Variants in SGCD observed in about 807,000 individuals in gnomAD.
SGCD encodes delta-sarcoglycan.
A neutral mutation model predicts 36.6 loss-of-function variants in SGCD; 18 were observed. The ratio of observed to expected loss-of-function variants is 0.49; its 90% confidence interval spans 0.34 to 0.73. The LOEUF (loss-of-function observed/expected upper bound fraction) is 0.73, where lower values mean the gene tolerates loss of function less well. Ranked by LOEUF, SGCD falls within the 30% of genes least tolerant of loss-of-function variation. The pLI, the probability that SGCD is intolerant of heterozygous loss-of-function variation, is 0.01. For missense variants in SGCD, 387 were observed against 346.7 expected (o/e 1.12, Z -0.92); for synonymous variants, 133 against 130.6 (o/e 1.02, Z -0.12).
chr5:156,680,459 T>G (rs969628744), intron 7 of SGCD, among the ~76,000 whole-genome samples: 2 of 152,178 alleles, frequency 1.3e-5, no homozygotes, highest in Non-Finnish European at 2.9e-5. Flanking sequence ...GTCTTCCCAT[T>G]TGCAAAATGG....
At chr5:156,289,326 G>A (rs1006920847) in intron 3 of SGCD, among the ~76,000 whole-genome samples, 14 of 151,640 alleles carry the variant, frequency 9.2e-5, no homozygotes, top group African/African-American at 1.2e-4. Flanking sequence ...TTTAAGTTCC[G>A]GGATACACGT....
intron 1 of SGCD, among the ~76,000 whole-genome samples, chr5:156,043,379 A>G (rs545276369): frequency 4.6e-5 from 7 of 152,266 alleles, no homozygotes; most frequent in South Asian, 2.1e-4. Context: ...CTGATGGAAA[A>G]TTAGGCAATT....
chr5:156,162,831 C>A (rs1408483392), intron 3 of SGCD, among the ~76,000 whole-genome samples: 1 of 151,618 alleles, frequency 6.6e-6, no homozygotes, highest in African/African-American at 2.4e-5. Context: ...GGGTATGAAC[C>A]ATAATTCCCC....
chr5:155,906,355 G>A (rs377706778), intron 1 of SGCD, among the ~76,000 whole-genome samples: 1 of 152,068 alleles, frequency 6.6e-6, no homozygotes, highest in Non-Finnish European at 1.5e-5. Context: ...TCAAATGAAA[G>A]AGAGTTGCAT....
At chr5:156,645,997 T>C (rs943694282) in intron 6 of SGCD, among the ~76,000 whole-genome samples, 4 of 152,118 alleles carry the variant, frequency 2.6e-5, no homozygotes, top group African/African-American at 9.7e-5. Flanking sequence ...CACTTTCTTT[T>C]GAGAGAGGGA....
intron 1 of SGCD, chr5:156,117,872 T>A (rs1347472820): frequency 6.6e-6 from 1 of 152,168 alleles, no homozygotes; most frequent in Non-Finnish European, 1.5e-5. Flanking sequence ...TTTTGTGTGT[T>A]CACAGTGGTG....
At chr5:156,569,438 A>G (rs1047071974) in intron 4 of SGCD, among the ~76,000 whole-genome samples, 1 of 152,080 alleles carries the variant, frequency 6.6e-6, no homozygotes, top group Non-Finnish European at 1.5e-5. Context: ...CTAAAAATAC[A>G]AAAATTAGCC....
intron 1 of SGCD, among the ~76,000 whole-genome samples, chr5:155,969,266 G>C (rs547572475): frequency 5.1e-4 from 78 of 152,194 alleles, no homozygotes; most frequent in African/African-American, 1.9e-3. Flanking sequence ...ATGTTTAACT[G>C]ATACAAATAT....
At chr5:156,300,872 C>CT (rs1162833982) in intron 3 of SGCD, among the ~76,000 whole-genome samples, 3 of 151,874 alleles carry the variant, frequency 2.0e-5, no homozygotes, top group African/African-American at 7.2e-5. Context: ...TAATCTTTGT[C>CT]TTTTTTTATA....
chr5:156,533,026 C>T (rs558799874), intron 4 of SGCD, among the ~76,000 whole-genome samples: 1 of 152,286 alleles, frequency 6.6e-6, no homozygotes, highest in East Asian at 1.9e-4. Flanking sequence ...GAAATGCCAT[C>T]TTATCTTGGA....
chr5:156,262,368 C>A (rs1396235123), intron 3 of SGCD, among the ~76,000 whole-genome samples: 1 of 152,060 alleles, frequency 6.6e-6, no homozygotes, highest in African/African-American at 2.4e-5. Flanking sequence ...ACATGCTGTA[C>A]AAATTTATAA....
At chr5:155,738,752 G>A in the SGCD span, among the ~76,000 whole-genome samples, 557 of 144,644 alleles carry the variant, frequency 3.9e-3, 3 homozygotes, top group Non-Finnish European at 5.3e-3. Context: ...GCATGTGAGT[G>A]TAAGAGAGTG....
intron 3 of SGCD, among the ~76,000 whole-genome samples, chr5:156,152,044 C>A (rs1454296528): frequency 6.6e-6 from 1 of 150,884 alleles, no homozygotes; most frequent in African/African-American, 2.5e-5. Flanking sequence ...ATGGCAAGTA[C>A]ATGGGAGATA....
chr5:156,443,450 A>T (rs1356430970), intron 3 of SGCD, among the ~76,000 whole-genome samples: 1 of 152,122 alleles, frequency 6.6e-6, no homozygotes, highest in Non-Finnish European at 1.5e-5. Flanking sequence ...CCACCCCAGG[A>T]ATCCTCAGAG....
At chr5:155,818,981 T>C in the SGCD span, among the ~76,000 whole-genome samples, 2 of 152,026 alleles carry the variant, frequency 1.3e-5, no homozygotes, top group Non-Finnish European at 2.9e-5. Flanking sequence ...TTTGTGTCCA[T>C]GAGAAAGAGT....
chr5:156,440,032 A>T (rs986724671), intron 3 of SGCD, among the ~76,000 whole-genome samples: 1 of 152,108 alleles, frequency 6.6e-6, no homozygotes, highest in Non-Finnish European at 1.5e-5. Context: ...ATTCAGTGGC[A>T]TTTGGTATAT....
chr5:155,813,138 A>G, the SGCD span, among the ~76,000 whole-genome samples: 1 of 151,808 alleles, frequency 6.6e-6, no homozygotes, highest in Admixed American at 6.6e-5. Flanking sequence ...GATCACAATG[A>G]CTATGTGGAG....
At chr5:155,804,660 T>A in the SGCD span, among the ~76,000 whole-genome samples, 1 of 152,328 alleles carries the variant, frequency 6.6e-6, no homozygotes, top group East Asian at 1.9e-4. Flanking sequence ...GCCCTCCAGT[T>A]TATTCAGTAC....
chr5:156,083,504 A>G (rs983839088), intron 1 of SGCD, among the ~76,000 whole-genome samples: 3 of 151,240 alleles, frequency 2.0e-5, no homozygotes, highest in African/African-American at 4.9e-5. Flanking sequence ...CGTGTTGGTC[A>G]GGTTGGTCTC....
Sources: gnomAD v4.1 joint callset for allele counts (sites outside exome capture counted in the v4.1 genomes callset) on GRCh38, gnomAD v4.1.1 for gene constraint, MANE v1.5 for transcripts, NCBI Gene and HGNC (gene_info 2026-07-23, HGNC 2026-07-21) for gene names.